The following FSTL5 variants were observed in gnomAD, a reference collection of about 807,000 sequenced individuals.
FSTL5 encodes the protein follistatin like 5.
In FSTL5, 62 loss-of-function variants were observed where a neutral mutation model predicts 89.1. The ratio of observed to expected loss-of-function variants is 0.70; its 90% CI spans 0.57 to 0.86. The LOEUF (loss-of-function observed/expected upper bound fraction) is 0.86, where lower values mean the gene tolerates loss of function less well. FSTL5 is among the 40% of genes least tolerant of loss of function. FSTL5 has a pLI of 0.00. For synonymous variants in FSTL5, 383 were observed against 346.2 expected (o/e 1.11, Z -1.18); for missense variants, 1,057 against 1,001.6 (o/e 1.06, Z -0.75).
At chr4:161,780,397 T>A (rs562176318) in intron 4 of FSTL5, among the ~76,000 whole-genome samples, 1 of 152,146 alleles carries the variant, frequency 6.6e-6, no homozygotes, top group South Asian at 2.1e-4. Flanking sequence ...ACAGGCAGAG[T>A]GAGATTGGCA....
chr4:162,008,415 C>T (rs1014998605), intron 3 of FSTL5, among the ~76,000 whole-genome samples: 1 of 151,754 alleles, frequency 6.6e-6, no homozygotes, highest in East Asian at 1.9e-4. Context: ...ATTGCTTAGG[C>T]CCATCTAATG....
At chr4:161,837,337 G>GA (rs940977460) in intron 4 of FSTL5, among the ~76,000 whole-genome samples, 43 of 151,940 alleles carry the variant, frequency 2.8e-4, no homozygotes, top group Admixed American at 7.9e-4. Flanking sequence ...GGGAAATTTA[G>GA]AAAAAAACCT....
chr4:161,431,148 A>G (rs1732350861), intron 15 of FSTL5, among the ~76,000 whole-genome samples: 2 of 152,352 alleles, frequency 1.3e-5, no homozygotes, highest in South Asian at 4.1e-4. Context: ...ACAGAAAAAC[A>G]TAAAATTTGG....
chr4:161,887,949 C>T (rs1233206603), intron 4 of FSTL5, among the ~76,000 whole-genome samples: 2 of 152,122 alleles, frequency 1.3e-5, no homozygotes, highest in African/African-American at 4.8e-5. Context: ...TTCTCTTTAT[C>T]CTTTTTTCTC....
At chr4:161,787,848 T>C (rs7690085) in intron 4 of FSTL5, among the ~76,000 whole-genome samples, 89,878 of 152,010 alleles carry the variant, frequency 0.59, 28,926 homozygotes, top group Non-Finnish European at 0.72. Flanking sequence ...TTAACAAAGA[T>C]AGGGTTCAAG....
rs1730610945 is a variant in FSTL5 at position 161,385,896 on chromosome 4, G to T, written c.2395C>A (p.Gln799Lys). The change falls in exon 16 of 16, where the codon CAA becomes AAA. Residue 799 changes from glutamine (Q) to lysine (K), a missense_variant. This residue lies in a region of FSTL5 where 68 missense variants were observed against 73.3 expected (regional missense o/e 0.93). Coordinates refer to ENST00000306100, the MANE Select transcript of FSTL5 (RefSeq NM_020116.5). ...CCAAACAAGCCACTGTCCTGGATTT[G>T]CCTGTTTTTCCGGTTCCAAGGCCAT... ...EEWPWNRKNR[Q>K]IQDSGLFGQY... 1 of 1,613,796 alleles carries T rather than the reference G, an allele frequency of 6.2e-7. No homozygotes were observed. The highest frequency in any genetic ancestry group is 1.7e-5 in the Admixed American group (1 of 59,964).
chr4:161,847,759 A>G (rs1269533629), intron 4 of FSTL5, among the ~76,000 whole-genome samples: 2 of 152,068 alleles, frequency 1.3e-5, no homozygotes, highest in African/African-American at 2.4e-5. Flanking sequence ...AGACACTGCC[A>G]GGTGCGGTGG....
At chr4:162,015,185 G>A (rs762683007) in intron 3 of FSTL5, among the ~76,000 whole-genome samples, 2 of 152,090 alleles carry the variant, frequency 1.3e-5, no homozygotes, top group Non-Finnish European at 2.9e-5. Flanking sequence ...CTCTGGCAAG[G>A]GGCTATAAAT....
intron 9 of FSTL5, among the ~76,000 whole-genome samples, chr4:161,540,339 T>G (rs1731777075): frequency 6.6e-6 from 1 of 152,188 alleles, no homozygotes; most frequent in African/African-American, 2.4e-5. Flanking sequence ...TAGGTACCTT[T>G]CATATCCACC....
chr4:162,002,596 G>A (rs1388165414), intron 3 of FSTL5, among the ~76,000 whole-genome samples: 1 of 152,170 alleles, frequency 6.6e-6, no homozygotes, highest in Non-Finnish European at 1.5e-5. Flanking sequence ...TAGTCACATA[G>A]AGGAATGCTA....
chr4:161,773,498 G>GA (rs1478618585), intron 5 of FSTL5, among the ~76,000 whole-genome samples: 1 of 151,668 alleles, frequency 6.6e-6, no homozygotes, highest in African/African-American at 2.4e-5. Context: ...AAATCAGCAA[G>GA]AAAAAAACAA....
At chr4:161,572,402 G>T (rs933514856) in intron 8 of FSTL5, among the ~76,000 whole-genome samples, 3 of 149,346 alleles carry the variant, frequency 2.0e-5, no homozygotes, top group African/African-American at 7.4e-5. Flanking sequence ...CCCCTGACAA[G>T]TGGCAAAAGT....
chr4:162,112,141 T>A (rs1480120482), intron 1 of FSTL5, among the ~76,000 whole-genome samples: 2 of 152,180 alleles, frequency 1.3e-5, no homozygotes, highest in African/African-American at 4.8e-5. Context: ...TTCAAGTATA[T>A]CCTGCTTTAT....
At chr4:161,976,625 G>A (rs1030035963) in intron 3 of FSTL5, among the ~76,000 whole-genome samples, 29 of 152,212 alleles carry the variant, frequency 1.9e-4, no homozygotes, top group African/African-American at 7.0e-4. Context: ...GGGACTACAG[G>A]CGCCCGCCAC....
chr4:161,699,806 G>C (rs759401078), intron 6 of FSTL5, among the ~76,000 whole-genome samples: 34 of 152,060 alleles, frequency 2.2e-4, no homozygotes, highest in Admixed American at 4.6e-4. Flanking sequence ...AGAGTTGATG[G>C]GGGCAAAGAA....
intron 15 of FSTL5, among the ~76,000 whole-genome samples, chr4:161,446,245 T>C (rs1280604887): frequency 6.6e-6 from 1 of 152,060 alleles, no homozygotes; most frequent in Non-Finnish European, 1.5e-5. Context: ...CTTGCTTTTA[T>C]GGTCAAACAA....
At chr4:161,394,306 C>T (rs1253842115) in intron 15 of FSTL5, among the ~76,000 whole-genome samples, 2 of 152,138 alleles carry the variant, frequency 1.3e-5, no homozygotes, top group Non-Finnish European at 2.9e-5. Context: ...GACAGAGTCT[C>T]ACTCTGTAGC....
intron 4 of FSTL5, among the ~76,000 whole-genome samples, chr4:161,807,541 T>A (rs1335794386): frequency 6.6e-6 from 1 of 152,188 alleles, no homozygotes; most frequent in African/African-American, 2.4e-5. Context: ...TCTGTAAATT[T>A]TAGACAGTAA....
chr4:161,437,489 A>C (rs998732695), intron 15 of FSTL5, among the ~76,000 whole-genome samples: 18 of 142,452 alleles, frequency 1.3e-4, no homozygotes, highest in East Asian at 7.0e-4. Context: ...ATGGCGTGAA[A>C]CCGGGAGGCG....
Sources: gnomAD v4.1 joint callset for allele counts (sites outside exome capture counted in the v4.1 genomes callset) on GRCh38, gnomAD v4.1.1 for gene constraint, gnomAD v4.1.1 regional missense constraint, MANE v1.5 for transcripts, NCBI Gene and HGNC (gene_info 2026-07-23, HGNC 2026-07-21) for gene names.